The following KHDRBS2 variants were observed in gnomAD, a reference collection of about 807,000 sequenced individuals.
The protein encoded by KHDRBS2 is KH domain-containing, RNA-binding, signal transduction-associated protein 2.
Under a neutral mutation model 44.3 loss-of-function variants are expected in KHDRBS2, and 26 were observed. The ratio of observed to expected loss-of-function variants is 0.59; its 90% CI spans 0.43 to 0.81. The LOEUF is 0.81. KHDRBS2 is among the 40% of genes least tolerant of loss of function. KHDRBS2 has a pLI of 0.00. For synonymous variants in KHDRBS2, 194 were observed against 151.1 expected, an observed-to-expected ratio of 1.28 and a Z score of -2.08; for missense variants, 476 against 433.1, an observed-to-expected ratio of 1.10 and a Z score of -0.88.
the KHDRBS2 span, among the ~76,000 whole-genome samples, chr6:61,629,723 C>T: frequency 2.6e-5 from 4 of 152,092 alleles, no homozygotes; most frequent in East Asian, 1.9e-4. Flanking sequence ...AAAACTATAA[C>T]GTTATAAAGC....
chr6:61,823,363 A>G (rs1790299651), intron 6 of KHDRBS2, among the ~76,000 whole-genome samples: 1 of 152,216 alleles, frequency 6.6e-6, no homozygotes, highest in Non-Finnish European at 1.5e-5. Context: ...TTTCTGATAA[A>G]GCATGTGTAT....
chr6:61,621,463 A>G, the KHDRBS2 span, among the ~76,000 whole-genome samples: 1 of 152,190 alleles, frequency 6.6e-6, no homozygotes, highest in African/African-American at 2.4e-5. Flanking sequence ...ATTCAGTGAA[A>G]GAGCTGACAC....
intron 6 of KHDRBS2, among the ~76,000 whole-genome samples, chr6:61,820,631 C>T (rs1368023217): frequency 6.6e-6 from 1 of 151,988 alleles, no homozygotes; most frequent in East Asian, 1.9e-4. Context: ...TCCCTGCTTC[C>T]TGTCAGGAAT....
At chr6:62,003,360 A>C (rs1442183155) in intron 3 of KHDRBS2, among the ~76,000 whole-genome samples, 1 of 152,148 alleles carries the variant, frequency 6.6e-6, no homozygotes. Context: ...TTTTAGGACA[A>C]AATCATTTAT....
chr6:61,583,461 C>A, the KHDRBS2 span, among the ~76,000 whole-genome samples: 3 of 151,648 alleles, frequency 2.0e-5, no homozygotes, highest in African/African-American at 7.2e-5. Context: ...ATATGGATAT[C>A]ATTTATTTAA....
the KHDRBS2 span, among the ~76,000 whole-genome samples, chr6:61,583,647 T>G: frequency 1.3e-5 from 2 of 151,666 alleles, no homozygotes; most frequent in Admixed American, 6.6e-5. Context: ...GTAGAGTAAG[T>G]TTTTCAATTT....
chr6:62,115,617 G>A (rs1257893409), intron 2 of KHDRBS2, among the ~76,000 whole-genome samples: 2 of 152,070 alleles, frequency 1.3e-5, no homozygotes, highest in African/African-American at 2.4e-5. Context: ...CTTGCTTTCC[G>A]CAAATGATTG....
intron 6 of KHDRBS2, among the ~76,000 whole-genome samples, chr6:61,881,241 A>G (rs545752515): frequency 6.6e-6 from 1 of 152,056 alleles, no homozygotes; most frequent in East Asian, 1.9e-4. Context: ...CTCTCCTTGC[A>G]ATATCCATTG....
intron 2 of KHDRBS2, among the ~76,000 whole-genome samples, chr6:62,098,112 T>G (rs1187500848): frequency 6.6e-6 from 1 of 152,122 alleles, no homozygotes; most frequent in Non-Finnish European, 1.5e-5. Context: ...ATTAATATAG[T>G]CATTTTTAAC....
At chr6:62,255,807 G>A (rs1837306509) in intron 1 of KHDRBS2, among the ~76,000 whole-genome samples, 1 of 151,754 alleles carries the variant, frequency 6.6e-6, no homozygotes, top group South Asian at 2.1e-4. Flanking sequence ...AAACTAAGTT[G>A]GTAAACTATA....
At position 61,978,190 on chromosome 6, in the gene KHDRBS2, C is replaced by G; in HGVS notation, c.359G>C (p.Gly120Ala). Residue 120 changes from glycine to alanine, a missense_variant, in exon 4 of 9, where the codon GGG (glycine) becomes GCG (alanine). Gly to Ala is a moderately conservative substitution (Grantham distance 60). Transcript: ENST00000281156. ...ACTCAAGTGGGCATATTTGGCTTCC[C>G]CACTCTTCCTTAGTTCTTCTTCCTG... is the stretch of plus-strand genomic sequence containing the variant. ...KAKEEELRKS[G>A]EAKYAHLSDE... 1.2e-6 allele frequency: 2 copies of G among 1,606,210 alleles called. No individual in the cohort carries two copies. Among genetic ancestry groups the G allele is most frequent in the Admixed American group, 3.4e-5 (2 of 58,266 alleles).
intron 3 of KHDRBS2, among the ~76,000 whole-genome samples, chr6:62,031,007 C>T (rs1210436921): frequency 2.0e-5 from 3 of 152,014 alleles, no homozygotes; most frequent in Non-Finnish European, 4.4e-5. Context: ...CCCTCAAAAG[C>T]ATTATGTTAA....
intron 6 of KHDRBS2, among the ~76,000 whole-genome samples, chr6:61,840,727 C>T (rs1424765021): frequency 6.6e-6 from 1 of 152,092 alleles, no homozygotes; most frequent in Non-Finnish European, 1.5e-5. Flanking sequence ...ACGGTGAATC[C>T]TCAATGTTGC....
chr6:61,554,671 C>A, the KHDRBS2 span, among the ~76,000 whole-genome samples: 1 of 152,132 alleles, frequency 6.6e-6, no homozygotes, highest in East Asian at 1.9e-4. Context: ...ATGTTTAGCC[C>A]TCCCTTCAGG....
the KHDRBS2 span, among the ~76,000 whole-genome samples, chr6:61,590,494 A>G: frequency 2.0e-5 from 3 of 152,304 alleles, no homozygotes; most frequent in South Asian, 2.1e-4. Context: ...TCTATATATC[A>G]TATACCACTA....
At chr6:62,153,524 C>A (rs967926974) in intron 2 of KHDRBS2, among the ~76,000 whole-genome samples, 1 of 151,904 alleles carries the variant, frequency 6.6e-6, no homozygotes, top group Non-Finnish European at 1.5e-5. Context: ...AGTAACTAAG[C>A]ACGATGCTTC....
chr6:62,085,664 G>A (rs543310409), intron 2 of KHDRBS2, among the ~76,000 whole-genome samples: 7 of 152,210 alleles, frequency 4.6e-5, no homozygotes, highest in Admixed American at 2.6e-4. Flanking sequence ...CAGAAGTACT[G>A]AGGAATGTAT....
chr6:61,554,623 T>C, the KHDRBS2 span, among the ~76,000 whole-genome samples: 1 of 152,242 alleles, frequency 6.6e-6, no homozygotes, highest in African/African-American at 2.4e-5. Flanking sequence ...TATGTACTTG[T>C]GTGTTTTTGT....
chr6:61,645,922 T>C, the KHDRBS2 span, among the ~76,000 whole-genome samples: 1 of 152,180 alleles, frequency 6.6e-6, no homozygotes, highest in African/African-American at 2.4e-5. Flanking sequence ...GCATCACTCA[T>C]ATTCCTTTTA....
Sources: allele counts gnomAD v4.1 joint callset (sites outside exome capture counted in the v4.1 genomes callset), GRCh38; gene constraint gnomAD v4.1.1; transcripts MANE v1.5; gene names NCBI Gene and HGNC (gene_info 2026-07-23, HGNC 2026-07-21).